The following PTPRC variants were observed in gnomAD, a reference collection of about 807,000 sequenced individuals.
PTPRC encodes the protein receptor-type tyrosine-protein phosphatase C.
In PTPRC, 44 loss-of-function variants were observed where a neutral mutation model predicts 155.9. The observed-to-expected ratio is 0.28, with a 90% CI of 0.22 to 0.36. PTPRC has a LOEUF of 0.36. Ranked by LOEUF, PTPRC falls within the 10% of genes least tolerant of loss-of-function variation. The probability of loss-of-function intolerance (pLI) is 1.00; values close to 1 mark genes in which losing one functional copy is unlikely to be tolerated. For missense variants in PTPRC, 1,401 were observed against 1,564.6 expected (o/e 0.90, Z 1.76); for synonymous variants, 525 against 533.1 (o/e 0.98, Z 0.21).
In PTPRC at chr1:198,732,282, A is replaced by G; in HGVS notation, c.1975-18A>G. On this transcript the variant is annotated intron_variant, in intron 18 of 32. Transcript: ENST00000442510. The stretch of plus-strand genomic sequence containing the variant: ...TTCCTGAATCTGCTGTGATCCAAGA[A>G]ATCGTTGTTTCTTTCAGAGCATCCC... The G allele has an allele frequency of 6.3e-7, 1 of 1,596,020 alleles. No individual in the cohort carries two copies. The highest frequency in any genetic ancestry group is 8.6e-7 in the Non-Finnish European group (1 of 1,164,292).
intron 8 of PTPRC, among the ~76,000 whole-genome samples, chr1:198,706,032 C>A (rs577480308): frequency 2.9e-3 from 435 of 152,288 alleles, no homozygotes; most frequent in Non-Finnish European, 4.6e-3. Flanking sequence ...TTTCTAAAAG[C>A]TGATTATATC....
At chr1:198,702,201 A>G (rs1052830804) in intron 5 of PTPRC, among the ~76,000 whole-genome samples, 186 bp from the exon 6 acceptor site, 16 of 152,210 alleles carry the variant, frequency 1.1e-4, no homozygotes, top group Middle Eastern at 6.3e-3. Context: ...CCCTAAATGC[A>G]TCTTTCCCAT....
chr1:198,702,722 A>G (rs1016529320), intron 6 of PTPRC, among the ~76,000 whole-genome samples, 192 bp downstream of exon 6: 1 of 152,208 alleles, frequency 6.6e-6, no homozygotes, highest in African/African-American at 2.4e-5. Context: ...ATTTTATTTT[A>G]CTATTAATAT....
At chr1:198,726,860 T>TCTTCTTTTTTCTTTTCTTTC (rs531005588) in intron 15 of PTPRC, among the ~76,000 whole-genome samples, 1 of 150,568 alleles carries the variant, frequency 6.6e-6, no homozygotes, top group Non-Finnish European at 1.5e-5. Context: ...TCTTTTCTTT[T>TCTTCTTTTTTCTTTTCTTTC]CTTTCCTTTT....
intron 2 of PTPRC, among the ~76,000 whole-genome samples, chr1:198,681,969 T>C (rs926290204): frequency 2.6e-5 from 4 of 152,230 alleles, no homozygotes; most frequent in Non-Finnish European, 5.9e-5. Context: ...TGGCAACCTA[T>C]TGCACCATTT....
intron 3 of PTPRC, chr1:198,694,929 A>G: frequency 1.0e-6 from 1 of 980,518 alleles, no homozygotes; most frequent in Non-Finnish European, 1.2e-6. Context: ...GCATGTCATT[A>G]TGGGTAAAAG....
Position 198,709,776 on chromosome 1 carries a change from A to G in PTPRC, c.1123A>G (p.Asn375Asp). 1 of 1,612,764 alleles carries G rather than the reference A, an allele frequency of 6.2e-7. No individual in the cohort carries two copies. ...GTGTGACTCAGAAATACTCTATAAT[A>G]ACCACAAGTTTACTAACGCAAGTAA... ...YKCDSEILYN[N>D]HKFTNASKII... Residue 375 changes from asparagine (N) to aspartate (D), a missense_variant, in exon 11 of 33, where the codon AAC becomes GAC. Around this residue, in one of 3 missense-constraint regions of PTPRC, gnomAD observed 867 missense variants for 970.4 expected, o/e 0.89. Coordinates refer to ENST00000442510, the MANE Select transcript of PTPRC (RefSeq NM_002838.5).
chr1:198,732,014 C>A (rs1336338562), intron 18 of PTPRC, among the ~76,000 whole-genome samples: 1 of 151,830 alleles, frequency 6.6e-6, no homozygotes, highest in African/African-American at 2.4e-5. Context: ...GATACTCATC[C>A]AAGTATCTGT....
intron 3 of PTPRC, chr1:198,695,117 AG>A: frequency 2.2e-6 from 2 of 901,908 alleles, no homozygotes; most frequent in Non-Finnish European, 2.7e-6. Context: ...ATCTGTATTT[AG>A]TAAAAATTAA....
At chr1:198,682,099 T>C (rs1665368465) in intron 2 of PTPRC, among the ~76,000 whole-genome samples, 1 of 152,254 alleles carries the variant, frequency 6.6e-6, no homozygotes. Context: ...AAGACACTGC[T>C]GTTAGCTTTT....
chr1:198,698,009 T>A (rs1666287337), intron 4 of PTPRC, among the ~76,000 whole-genome samples: 1 of 152,148 alleles, frequency 6.6e-6, no homozygotes, highest in Non-Finnish European at 1.5e-5. Context: ...TTGCCCAAAA[T>A]TTTTACAAAA....
intron 11 of PTPRC, among the ~76,000 whole-genome samples, chr1:198,711,814 A>G (rs568224773): frequency 6.6e-6 from 1 of 152,376 alleles, no homozygotes; most frequent in South Asian, 2.1e-4. Context: ...AACATTTTTA[A>G]TATATACTTC....
At chr1:198,735,074 A>C (rs1654566050) in intron 22 of PTPRC, 53 bp from the exon 23 acceptor site, 2 of 1,458,420 alleles carry the variant, frequency 1.4e-6, no homozygotes, top group Admixed American at 4.1e-5. Flanking sequence ...AAGTTTGATA[A>C]AAAATTGGCT....
intron 11 of PTPRC, among the ~76,000 whole-genome samples, chr1:198,711,601 A>G (rs1558014813): frequency 6.6e-6 from 1 of 152,240 alleles, no homozygotes; most frequent in African/African-American, 2.4e-5. Flanking sequence ...AGCAAGAAAC[A>G]TAAAACTTTT....
intron 7 of PTPRC, 56 bp from the exon 8 acceptor site, chr1:198,704,416 T>C: frequency 6.2e-7 from 1 of 1,611,986 alleles, no homozygotes; most frequent in South Asian, 1.1e-5. Context: ...AAAAATGACA[T>C]GGCAGATATT....
chr1:198,664,686 T>C (rs1335248539), intron 2 of PTPRC, among the ~76,000 whole-genome samples: 1 of 152,162 alleles, frequency 6.6e-6, no homozygotes, highest in Non-Finnish European at 1.5e-5. Flanking sequence ...GTCTACTTCC[T>C]CTTCAGACCT....
intron 23 of PTPRC, 70 bp from the exon 24 acceptor site, chr1:198,741,799 T>C: frequency 6.8e-7 from 1 of 1,476,762 alleles, no homozygotes; most frequent in Admixed American, 1.9e-5. Flanking sequence ...TGGTACTCCC[T>C]TCCACTTATT....
At chr1:198,721,110 A>G (rs1169751480) in intron 14 of PTPRC, among the ~76,000 whole-genome samples, 3 of 152,124 alleles carry the variant, frequency 2.0e-5, no homozygotes, top group East Asian at 1.9e-4. Flanking sequence ...TCTTCCCCCA[A>G]TCTTCAAAAG....
intron 18 of PTPRC, 69 bp downstream of exon 18, chr1:198,731,795 A>G: frequency 8.2e-7 from 1 of 1,225,674 alleles, no homozygotes; most frequent in Non-Finnish European, 1.2e-6. Flanking sequence ...GTGTATTTAT[A>G]TTGCCATTTG....
Sources: allele counts gnomAD v4.1 joint callset (sites outside exome capture counted in the v4.1 genomes callset), GRCh38; gene constraint gnomAD v4.1.1; regional missense constraint gnomAD v4.1.1; transcripts MANE v1.5; gene names NCBI Gene and HGNC (gene_info 2026-07-23, HGNC 2026-07-21).